The following BACE2 variants were observed in gnomAD, a reference collection of about 807,000 sequenced individuals.
BACE2 encodes the protein beta-secretase 2.
Under a neutral mutation model 46.2 loss-of-function variants are expected in BACE2, and 17 were observed. The observed-to-expected ratio is 0.37, with a 90% confidence interval of 0.25 to 0.55. The LOEUF is 0.55. Among genes scored for constraint, BACE2 ranks in the 20% least tolerant of loss-of-function variants. The pLI, the probability that BACE2 is intolerant of heterozygous loss-of-function variation, is 0.82. For missense variants in BACE2, 595 were observed against 698.1 expected, an observed-to-expected ratio of 0.85 and a Z score of 1.66; for synonymous variants, 277 against 295.9, an observed-to-expected ratio of 0.94 and a Z score of 0.66.
At chr21:41,189,103 A>G (rs1397816789) in intron 1 of BACE2, among the ~76,000 whole-genome samples, 2 of 151,992 alleles carry the variant, frequency 1.3e-5, no homozygotes, top group African/African-American at 2.4e-5. Context: ...TTCACTGTAT[A>G]TGAACTGTTT....
intron 8 of BACE2, among the ~76,000 whole-genome samples, chr21:41,259,710 G>A (rs141935388): frequency 1.9e-3 from 284 of 150,486 alleles, no homozygotes; most frequent in African/African-American, 6.8e-3. Flanking sequence ...TACTAGATGG[G>A]CATGTGCACC....
intron 1 of BACE2, among the ~76,000 whole-genome samples, chr21:41,170,313 A>G (rs1187785847): frequency 1.3e-5 from 2 of 152,198 alleles, no homozygotes; most frequent in Admixed American, 6.5e-5. Flanking sequence ...ATTAACAGAA[A>G]TGTATTGAGT....
At chr21:41,222,141 C>T (rs1304033301) in intron 1 of BACE2, among the ~76,000 whole-genome samples, 6 of 152,178 alleles carry the variant, frequency 3.9e-5, no homozygotes, top group African/African-American at 9.7e-5. Flanking sequence ...GCATCTGTGA[C>T]GTGGAGTGAG....
In BACE2 at chr21:41,280,376, T is replaced by G. The variant is rs559286888; in HGVS notation, c.*4752T>G. On this transcript the variant is annotated 3_prime_UTR_variant, in exon 9 of 9. Transcript: ENST00000330333. ...CATGCATTCCGAACATCCGACAGCT[T>G]CTTTCTCCAGAATGTCTTCTGTCAG... 1 of 152,422 alleles carries G rather than the reference T, an allele frequency of 6.6e-6. No homozygotes were observed. The highest frequency in any genetic ancestry group is 2.4e-5 in the African/African-American group (1 of 41,586). The allele number at this position is 152,422 out of a possible 1,614,324, so 9.4% of individuals were successfully genotyped here. A position where few individuals can be genotyped will look rare whatever the true frequency, so the allele number is the denominator to read the frequency against.
chr21:41,209,687 T>A (rs1225575016), intron 1 of BACE2, among the ~76,000 whole-genome samples: 1 of 152,006 alleles, frequency 6.6e-6, no homozygotes, highest in Non-Finnish European at 1.5e-5. Flanking sequence ...TCAGAGAGGG[T>A]GGCAACCCTC....
chr21:41,264,589 G>GGAGA (rs138828726), intron 8 of BACE2, among the ~76,000 whole-genome samples: 5 of 151,020 alleles, frequency 3.3e-5, no homozygotes, highest in Non-Finnish European at 7.4e-5. Context: ...CCAGAGCAAG[G>GGAGA]GAGAGAGAGA....
At chr21:41,202,845 GC>G (rs1459306151) in intron 1 of BACE2, among the ~76,000 whole-genome samples, 4 of 152,174 alleles carry the variant, frequency 2.6e-5, no homozygotes, top group African/African-American at 9.7e-5. Flanking sequence ...CATTCTCTGG[GC>G]TGGAGATGTA....
At chr21:41,230,137 T>G (rs2123581212) in intron 2 of BACE2, 1 of 152,360 alleles carries the variant, frequency 6.6e-6, no homozygotes, top group South Asian at 2.1e-4. Context: ...GGTACCGCCT[T>G]TCTTTTCAAG....
At chr21:41,233,042 G>A (rs1487901023) in intron 2 of BACE2, among the ~76,000 whole-genome samples, 1 of 151,842 alleles carries the variant, frequency 6.6e-6, no homozygotes, top group Non-Finnish European at 1.5e-5. Context: ...CTAATTTTTT[G>A]TATTTTCAGT....
intron 8 of BACE2, among the ~76,000 whole-genome samples, chr21:41,258,812 A>T (rs1369967416): frequency 3.3e-5 from 5 of 152,174 alleles, no homozygotes; most frequent in Non-Finnish European, 7.3e-5. Flanking sequence ...GCAGACTTGG[A>T]ACCCTTCCCA....
intron 1 of BACE2, among the ~76,000 whole-genome samples, chr21:41,173,468 G>C (rs768413627): frequency 2.6e-5 from 4 of 152,194 alleles, no homozygotes; most frequent in Admixed American, 2.6e-4. Context: ...CAGGCGGGGC[G>C]CGGTGGCTCA....
At chr21:41,231,376 G>A (rs1245210618) in intron 2 of BACE2, among the ~76,000 whole-genome samples, 1 of 152,162 alleles carries the variant, frequency 6.6e-6, no homozygotes, top group African/African-American at 2.4e-5. Context: ...AGGACAGTAA[G>A]CCCACGGGTA....
chr21:41,257,620 A>G (rs563082981), intron 8 of BACE2, among the ~76,000 whole-genome samples: 6 of 152,274 alleles, frequency 3.9e-5, no homozygotes, highest in Non-Finnish European at 5.9e-5. Flanking sequence ...TTGAATTGCA[A>G]TTTTTCGACA....
intron 1 of BACE2, chr21:41,181,597 G>A (rs1226962451): frequency 6.0e-6 from 1 of 167,102 alleles, no homozygotes; most frequent in Non-Finnish European, 1.5e-5. Flanking sequence ...TAATGCAAGA[G>A]TGGATGCAAA....
At chr21:41,249,028 C>T (rs746830440) in intron 6 of BACE2, among the ~76,000 whole-genome samples, 5 of 152,212 alleles carry the variant, frequency 3.3e-5, no homozygotes, top group South Asian at 2.1e-4. Flanking sequence ...TTAGCCTCAT[C>T]GATACCTCCT....
At chr21:41,238,183 G>C (rs1330047095) in intron 3 of BACE2, among the ~76,000 whole-genome samples, 1 of 152,236 alleles carries the variant, frequency 6.6e-6, no homozygotes, top group East Asian at 1.9e-4. Flanking sequence ...CTCTGCAGGG[G>C]ACACCTCCGA....
intron 6 of BACE2, among the ~76,000 whole-genome samples, chr21:41,249,653 C>T (rs1987584320): frequency 6.6e-6 from 1 of 152,234 alleles, no homozygotes; most frequent in Non-Finnish European, 1.5e-5. Flanking sequence ...CCCTCCAGCC[C>T]AGCTCCCGCC....
chr21:41,275,038 T>C (rs2088469860), intron 8 of BACE2, among the ~76,000 whole-genome samples: 1 of 152,232 alleles, frequency 6.6e-6, no homozygotes, highest in African/African-American at 2.4e-5. Flanking sequence ...GACCAGGTGC[T>C]GACCTGCACT....
chr21:41,190,555 TG>T (rs1233343260), intron 1 of BACE2, among the ~76,000 whole-genome samples: 3 of 152,244 alleles, frequency 2.0e-5, no homozygotes, highest in African/African-American at 7.2e-5. Context: ...CCGGTATTGA[TG>T]ACTGCCTTCT....
Sources: allele counts gnomAD v4.1 joint callset (sites outside exome capture counted in the v4.1 genomes callset), GRCh38; gene constraint gnomAD v4.1.1; transcripts MANE v1.5; gene names NCBI Gene and HGNC (gene_info 2026-07-23, HGNC 2026-07-21).